COMMD10: variants seen among roughly 807,000 people sequenced by gnomAD.
The protein encoded by COMMD10 is COMM domain-containing protein 10.
A neutral mutation model predicts 28.9 loss-of-function variants in COMMD10; 33 were observed. The ratio of observed to expected loss-of-function variants is 1.14; its 90% CI spans 0.87 to 1.53. COMMD10 has a LOEUF of 1.53. Among genes scored for constraint, COMMD10 ranks in the 40% most tolerant of loss-of-function variants. The probability of loss-of-function intolerance (pLI) is 0.00; values close to 1 mark genes in which losing one functional copy is unlikely to be tolerated. For missense variants in COMMD10, 310 were observed against 233.4 expected (o/e 1.33, Z -2.14); for synonymous variants, 110 against 81.7 (o/e 1.35, Z -1.87).
At chr5:116,229,267 A>C (rs1243288540) in intron 5 of COMMD10, among the ~76,000 whole-genome samples, 2 of 152,042 alleles carry the variant, frequency 1.3e-5, no homozygotes, top group African/African-American at 4.8e-5. Flanking sequence ...TTAGTCTGAT[A>C]CAGGCATTTT....
At chr5:116,097,833 A>G (rs1750517179) in intron 4 of COMMD10, among the ~76,000 whole-genome samples, 1 of 151,980 alleles carries the variant, frequency 6.6e-6, no homozygotes, top group Non-Finnish European at 1.5e-5. Context: ...GGGAGGGGCT[A>G]CATACTTTTG....
chr5:116,229,638 A>G (rs1749478536), intron 5 of COMMD10, among the ~76,000 whole-genome samples: 1 of 152,082 alleles, frequency 6.6e-6, no homozygotes, highest in Non-Finnish European at 1.5e-5. Flanking sequence ...CTAAATTGGA[A>G]GACAAACGGT....
At chr5:116,259,695 CA>C (rs1178947487) in intron 5 of COMMD10, among the ~76,000 whole-genome samples, 4 of 151,814 alleles carry the variant, frequency 2.6e-5, no homozygotes, top group Non-Finnish European at 5.9e-5. Flanking sequence ...AACTGCAGGG[CA>C]AAAGAAGTGG....
At chr5:116,176,508 A>T (rs1369145682) in intron 5 of COMMD10, among the ~76,000 whole-genome samples, 3 of 152,134 alleles carry the variant, frequency 2.0e-5, no homozygotes, top group African/African-American at 4.8e-5. Context: ...TGTTATTCCA[A>T]GTCCTTTAAT....
At chr5:116,259,572 C>A (rs1411518182) in intron 5 of COMMD10, among the ~76,000 whole-genome samples, 1 of 151,340 alleles carries the variant, frequency 6.6e-6, no homozygotes, top group East Asian at 1.9e-4. Flanking sequence ...TAGTTGAGAG[C>A]CTAGGCTGAA....
rs142646386 is a variant in COMMD10, at chr5:116,277,331, T to C, written c.511-14186T>C. The stretch of plus-strand genomic sequence containing the variant: ...TTGTTCACTTGATTCCAAGAAGATT[T>C]TGTGAATCATAATCAGGTAATTAGG... On this transcript the variant is annotated intron_variant, in intron 5 of 6. Transcript: ENST00000274458. Among the ~76,000 whole-genome samples, 241 of 152,066 alleles carry C rather than the reference T, an allele frequency of 1.6e-3. 5 individuals carry two copies. The highest frequency in any genetic ancestry group is 5.5e-3 in the African/African-American group (229 of 41,370).
At chr5:116,234,871 A>C (rs1157837681) in intron 5 of COMMD10, among the ~76,000 whole-genome samples, 2 of 152,180 alleles carry the variant, frequency 1.3e-5, no homozygotes, top group East Asian at 3.8e-4. Flanking sequence ...ATGCAGCCGC[A>C]GGAGAGCTAG....
At chr5:116,159,716 A>T (rs549227646) in intron 5 of COMMD10, among the ~76,000 whole-genome samples, 1 of 152,306 alleles carries the variant, frequency 6.6e-6, no homozygotes, top group Non-Finnish European at 1.5e-5. Flanking sequence ...CATGGGGTTG[A>T]TATTGTCTAG....
chr5:116,224,120 G>A (rs888297662), intron 5 of COMMD10, among the ~76,000 whole-genome samples: 1 of 152,062 alleles, frequency 6.6e-6, no homozygotes, highest in Non-Finnish European at 1.5e-5. Flanking sequence ...AGGTTCTAAG[G>A]ATTCTGGGGT....
At chr5:116,210,869 CAAGT>C (rs534416357) in intron 5 of COMMD10, among the ~76,000 whole-genome samples, 23 of 152,048 alleles carry the variant, frequency 1.5e-4, no homozygotes, top group Non-Finnish European at 7.4e-5. Flanking sequence ...TAGAAGCAAG[CAAGT>C]AATTGTCTTT....
intron 5 of COMMD10, among the ~76,000 whole-genome samples, chr5:116,214,010 CCTCA>C: frequency 6.6e-6 from 1 of 152,052 alleles, no homozygotes; most frequent in East Asian, 1.9e-4. Context: ...AATACAGAAC[CCTCA>C]CTCTGTGGCT....
In COMMD10 at chr5:116,188,538, GAAGT is replaced by G. The variant is rs1349660925; in HGVS notation, c.510+54365_510+54368del. 4 of 152,008 alleles carry G rather than the reference GAAGT, an allele frequency of 2.6e-5. No individual in the cohort carries two copies. The East Asian group carries it at 7.7e-4, about 29-fold the overall frequency. The allele number at this position is 152,008 out of a possible 1,614,324, so 9.4% of individuals were successfully genotyped here. A position where few individuals can be genotyped will look rare whatever the true frequency, so the allele number is the denominator to read the frequency against. On this transcript the variant is annotated intron_variant, in intron 5 of 6. Transcript: ENST00000274458. ...TTCCAATTTTAGCATATATGCTACT[GAAGT>G]AAGTGAGCACATGGTTTTTCTCTTT...
chr5:116,237,573 G>A (rs1313199932), intron 5 of COMMD10, among the ~76,000 whole-genome samples: 1 of 152,072 alleles, frequency 6.6e-6, no homozygotes, highest in Non-Finnish European at 1.5e-5. Context: ...TACTTGGGAG[G>A]CTGAGGTGGG....
chr5:116,239,543 ACT>A (rs1749760689), intron 5 of COMMD10, among the ~76,000 whole-genome samples: 1 of 151,762 alleles, frequency 6.6e-6, no homozygotes, highest in African/African-American at 2.4e-5. Flanking sequence ...ATAAAATCTG[ACT>A]CTTGTAGCAT....
chr5:116,165,791 A>G (rs1212939050), intron 5 of COMMD10, among the ~76,000 whole-genome samples: 2 of 151,952 alleles, frequency 1.3e-5, no homozygotes, highest in East Asian at 3.9e-4. Context: ...TCAGTGCTGT[A>G]CCCTTGTGAC....
At chr5:116,192,384 G>A (rs59447169) in intron 5 of COMMD10, among the ~76,000 whole-genome samples, 16,101 of 151,896 alleles carry the variant, frequency 0.11, 953 homozygotes, top group African/African-American at 0.15. Flanking sequence ...AGGCACCAGA[G>A]AAAGGTGAAG....
At chr5:116,267,158 T>A (rs1011289965) in intron 5 of COMMD10, among the ~76,000 whole-genome samples, 1 of 151,806 alleles carries the variant, frequency 6.6e-6, no homozygotes, top group African/African-American at 2.4e-5. Flanking sequence ...AGTCAAATGG[T>A]CCCTGTTTGC....
chr5:116,113,950 C>T (rs942865336), intron 4 of COMMD10, among the ~76,000 whole-genome samples: 4 of 150,426 alleles, frequency 2.7e-5, no homozygotes, highest in Non-Finnish European at 5.9e-5. Flanking sequence ...GACTTTGCTC[C>T]TTTATATGTG....
chr5:116,157,513 G>T (rs1054284982), intron 5 of COMMD10, among the ~76,000 whole-genome samples: 1 of 152,096 alleles, frequency 6.6e-6, no homozygotes. Flanking sequence ...CTGTTCACTT[G>T]GTTCAGAGAC....
Sources: gnomAD v4.1 joint callset for allele counts (sites outside exome capture counted in the v4.1 genomes callset) on GRCh38, gnomAD v4.1.1 for gene constraint, MANE v1.5 for transcripts, NCBI Gene and HGNC (gene_info 2026-07-23, HGNC 2026-07-21) for gene names.